PCDH9: variants seen among roughly 807,000 people sequenced by gnomAD.
The protein encoded by PCDH9 is protocadherin-9.
PCDH9 carries 24 observed loss-of-function variants against 70.6 expected under a neutral mutation model. The observed-to-expected ratio is 0.34, with a 90% CI of 0.25 to 0.48. The LOEUF is 0.48. PCDH9 is among the 20% of genes least tolerant of loss of function. The pLI is 0.99. For missense variants in PCDH9, 1,281 were observed against 1,503.6 expected (o/e 0.85, Z 2.45); for synonymous variants, 562 against 558.5 (o/e 1.01, Z -0.09).
intron 2 of PCDH9, among the ~76,000 whole-genome samples, chr13:67,108,221 C>A (rs1555308000): frequency 6.6e-6 from 1 of 152,158 alleles, no homozygotes; most frequent in Non-Finnish European, 1.5e-5. Flanking sequence ...CAGGCATGAG[C>A]AATACTCAGG....
chr13:66,455,581 T>G (rs1166422904), intron 4 of PCDH9, among the ~76,000 whole-genome samples: 1 of 152,098 alleles, frequency 6.6e-6, no homozygotes, highest in Non-Finnish European at 1.5e-5. Context: ...CAATTCCAGT[T>G]GGATAATCAT....
chr13:67,162,851 G>T (rs11841735), intron 2 of PCDH9, among the ~76,000 whole-genome samples: 9,369 of 151,896 alleles, frequency 0.062, 438 homozygotes, highest in African/African-American at 0.11. Context: ...ATAGCACTTT[G>T]GTTTGAAGTA....
At position 67,099,055 on chromosome 13, in the gene PCDH9, A is replaced by G. The variant is rs536928340; in HGVS notation, c.3036+126350T>C. 5.9e-5 allele frequency among the ~76,000 whole-genome samples: 9 copies of G among 152,302 alleles called. No homozygotes were observed. In the East Asian group the frequency reaches 1.7e-3, roughly 29 times the overall value. On this transcript the variant is annotated intron_variant, in intron 2 of 4. Transcript: ENST00000377865. The stretch of plus-strand genomic sequence containing the variant: ...TTTGCATTAAAATCTGTGGATTCAT[A>G]TTGTCATGATTCTGTCACTGCAATC...
intron 4 of PCDH9, among the ~76,000 whole-genome samples, chr13:66,450,539 G>A (rs1268051108): frequency 6.6e-6 from 1 of 152,154 alleles, no homozygotes; most frequent in Non-Finnish European, 1.5e-5. Flanking sequence ...AAACAGTGGA[G>A]AGCAGTGGGG....
At chr13:67,101,142 G>A (rs760152143) in intron 2 of PCDH9, among the ~76,000 whole-genome samples, 1 of 152,148 alleles carries the variant, frequency 6.6e-6, no homozygotes, top group South Asian at 2.1e-4. Context: ...CAGCAATGGG[G>A]ATTTCTCAGG....
chr13:66,849,397 T>G (rs2139449269), intron 3 of PCDH9, among the ~76,000 whole-genome samples: 1 of 151,258 alleles, frequency 6.6e-6, no homozygotes, highest in South Asian at 2.1e-4. Context: ...TGATAAGACA[T>G]TCAAGGATGA....
At chr13:66,965,092 AAC>A (rs1236474251) in intron 2 of PCDH9, among the ~76,000 whole-genome samples, 3 of 152,046 alleles carry the variant, frequency 2.0e-5, no homozygotes, top group Non-Finnish European at 2.9e-5. Context: ...AGAAGAAAAA[AAC>A]ACACAGTTTA....
intron 4 of PCDH9, among the ~76,000 whole-genome samples, chr13:66,368,188 G>A (rs181557253): frequency 6.6e-6 from 1 of 152,110 alleles, no homozygotes; most frequent in Non-Finnish European, 1.5e-5. Flanking sequence ...AGAACAGAGA[G>A]TGAACATTTT....
At chr13:67,151,772 T>G (rs1000522120) in intron 2 of PCDH9, among the ~76,000 whole-genome samples, 1 of 148,750 alleles carries the variant, frequency 6.7e-6, no homozygotes, top group African/African-American at 2.4e-5. Context: ...GCTCAGGGAC[T>G]TTATGCTTTT....
intron 2 of PCDH9, among the ~76,000 whole-genome samples, chr13:66,934,517 G>C (rs1323148130): frequency 1.1e-5 from 1 of 91,328 alleles, no homozygotes; most frequent in African/African-American, 3.6e-5. Flanking sequence ...CTCCACCCTG[G>C]GTGACAATAG....
chr13:66,395,268 G>T (rs990254326), intron 4 of PCDH9, among the ~76,000 whole-genome samples: 1 of 152,110 alleles, frequency 6.6e-6, no homozygotes, highest in African/African-American at 2.4e-5. Flanking sequence ...AAAATCTTCT[G>T]CTCCCTTGAA....
At position 66,995,518 on chromosome 13, in the gene PCDH9, C is replaced by T. The variant is rs79588321; in HGVS notation, c.3037-91913G>A. ...CAAAACCCTAAGAAACAGAAAGGAA[C>T]AGCTGTAACCAATTTTCAAACCCTA... On this transcript the variant is annotated intron_variant, in intron 2 of 4. Transcript: ENST00000377865. Among the ~76,000 whole-genome samples the T allele has an allele frequency of 4.6e-3, 706 of 152,240 alleles. 3 individuals are homozygous for T. The highest frequency in any genetic ancestry group is 0.016 in the African/African-American group (670 of 41,540).
chr13:67,081,955 A>G (rs1288689694), intron 2 of PCDH9, among the ~76,000 whole-genome samples: 2 of 152,198 alleles, frequency 1.3e-5, no homozygotes, highest in East Asian at 3.9e-4. Context: ...AGAAAGCTGT[A>G]TATTCAATGC....
At chr13:66,737,970 A>G (rs2079183339) in intron 3 of PCDH9, among the ~76,000 whole-genome samples, 1 of 152,158 alleles carries the variant, frequency 6.6e-6, no homozygotes, top group Non-Finnish European at 1.5e-5. Context: ...GCAGCCAGGA[A>G]GCTCGAACTG....
At chr13:67,154,381 T>G (rs1412982564) in intron 2 of PCDH9, among the ~76,000 whole-genome samples, 5 of 151,854 alleles carry the variant, frequency 3.3e-5, no homozygotes, top group Non-Finnish European at 4.4e-5. Flanking sequence ...GTTAGGTGGA[T>G]CGCCTGGGCA....
At chr13:67,056,365 ATC>A (rs2307954) in intron 2 of PCDH9, among the ~76,000 whole-genome samples, 102,509 of 151,700 alleles carry the variant, frequency 0.68, 34,871 homozygotes, top group East Asian at 0.84. Context: ...CTCTTTTTGT[ATC>A]TCTGTGTTTA....
At chr13:67,161,754 A>G (rs1356125536) in intron 2 of PCDH9, among the ~76,000 whole-genome samples, 1 of 152,196 alleles carries the variant, frequency 6.6e-6, no homozygotes, top group Non-Finnish European at 1.5e-5. Context: ...GGAAATTAGT[A>G]GTTAGTCAGG....
Position 66,884,800 on chromosome 13 carries a change from A to G in PCDH9, c.3138+18704T>C, listed in dbSNP as rs559141486. 3.0e-4 allele frequency among the ~76,000 whole-genome samples: 46 copies of G among 152,286 alleles called. 1 individual carries two copies. The highest frequency in any genetic ancestry group is 1.2e-3 in the South Asian group (6 of 4,830). ...CTTCTTTTTCATCTCCCAAAACATTACTGCATGAAAGAGAAATTTTCTTTA... is the reference window on the plus strand; with the variant it reads ...CTTCTTTTTCATCTCCCAAAACATTGCTGCATGAAAGAGAAATTTTCTTTA... On this transcript the variant is annotated intron_variant, in intron 3 of 4. Coordinates refer to ENST00000377865, the MANE Select transcript of PCDH9 (RefSeq NM_203487.3).
At chr13:66,403,457 A>G (rs1404657477) in intron 4 of PCDH9, among the ~76,000 whole-genome samples, 2 of 152,114 alleles carry the variant, frequency 1.3e-5, no homozygotes, top group Admixed American at 1.3e-4. Context: ...AATAAGTTAA[A>G]TATGCTTGTA....
Sources: gnomAD v4.1 joint callset for allele counts (sites outside exome capture counted in the v4.1 genomes callset) on GRCh38, gnomAD v4.1.1 for gene constraint, MANE v1.5 for transcripts, NCBI Gene and HGNC (gene_info 2026-07-23, HGNC 2026-07-21) for gene names.